The following SYNJ2 variants were observed in gnomAD, a reference collection of about 807,000 sequenced individuals.
SYNJ2 encodes the protein polyphosphatidylinositol phosphatase SYNJ2.
A neutral mutation model predicts 141.3 loss-of-function variants in SYNJ2; 116 were observed. The ratio of observed to expected loss-of-function variants is 0.82; its 90% CI spans 0.71 to 0.96. The LOEUF (loss-of-function observed/expected upper bound fraction) is 0.96, where lower values mean the gene tolerates loss of function less well. Among genes scored for constraint, SYNJ2 ranks in the 40% least tolerant of loss-of-function variants. SYNJ2 has a pLI of 0.00. For missense variants in SYNJ2, 1,873 were observed against 1,934.8 expected (o/e 0.97, Z 0.60); for synonymous variants, 745 against 777.7 (o/e 0.96, Z 0.70).
chr6:158,076,812 G>A, intron 17 of SYNJ2, 30 bp downstream of exon 17: 1 of 1,585,866 alleles, frequency 6.3e-7, no homozygotes, highest in South Asian at 1.1e-5. Context: ...TCGAGAGTCG[G>A]CAGAGGGTGA....
intron 3 of SYNJ2, 57 bp downstream of exon 3, chr6:158,029,083 C>CCCTGGGTCTCCTGCAGAGGGTGGG: frequency 6.3e-7 from 1 of 1,577,820 alleles, no homozygotes. Context: ...AGAGGGTGGG[C>CCCTGGGTCTCCTGCAGAGGGTGGG]CCTGGTTGGC....
intron 2 of SYNJ2, among the ~76,000 whole-genome samples, chr6:158,025,095 G>C (rs73015980): frequency 0.077 from 11,767 of 152,254 alleles, 547 homozygotes; most frequent in South Asian, 0.19. Context: ...GCGCAGTTCT[G>C]GAGGCTGGAA....
At chr6:158,038,291 C>T (rs1404478677) in intron 4 of SYNJ2, among the ~76,000 whole-genome samples, 2 of 152,114 alleles carry the variant, frequency 1.3e-5, no homozygotes. Flanking sequence ...TCCATGAAGT[C>T]CCCACCCAAC....
At chr6:158,063,765 C>T in intron 8 of SYNJ2, 26 bp from the exon 9 acceptor site, 3 of 1,559,966 alleles carry the variant, frequency 1.9e-6, no homozygotes, top group Non-Finnish European at 2.6e-6. Context: ...CAACATATAA[C>T]CGTTTACATT....
At chr6:157,992,125 A>T (rs1016440828) in intron 1 of SYNJ2, among the ~76,000 whole-genome samples, 2 of 152,222 alleles carry the variant, frequency 1.3e-5, no homozygotes, top group Non-Finnish European at 1.5e-5. Flanking sequence ...TTTGTGTTAC[A>T]AACCAATTAT....
rs564395101 is a variant in SYNJ2, at chr6:158,033,743, C to T, written c.711+63C>T. ...CGAGTGGCTGCAGCTCTTGCACACGCGCTTTCCACTTGGGGCAGAAGAGGC... is the reference window on the plus strand; with the variant it reads ...CGAGTGGCTGCAGCTCTTGCACACGTGCTTTCCACTTGGGGCAGAAGAGGC... On this transcript the variant is annotated intron_variant, in intron 4 of 26. Transcript: ENST00000355585. 5.1e-5 allele frequency: 78 copies of T among 1,516,360 alleles called. No homozygotes were observed. In the East Asian group the frequency reaches 5.5e-4, roughly 11 times the overall value. 93.9% of individuals were successfully genotyped at this position (1,516,360 alleles called of 1,614,324 possible). A position where few individuals can be genotyped will look rare whatever the true frequency, so the allele number is the denominator to read the frequency against.
At chr6:157,988,315 G>A (rs1033540822) in intron 1 of SYNJ2, among the ~76,000 whole-genome samples, 8 of 152,276 alleles carry the variant, frequency 5.3e-5, no homozygotes, top group Non-Finnish European at 8.8e-5. Context: ...GGCTGGGGCC[G>A]CCCTCCCCAC....
intron 2 of SYNJ2, among the ~76,000 whole-genome samples, chr6:158,026,117 G>A (rs552068447): frequency 1.9e-4 from 29 of 152,356 alleles, no homozygotes; most frequent in African/African-American, 5.8e-4. Flanking sequence ...ACACAGACTA[G>A]CTGTGTGCTT....
intron 4 of SYNJ2, among the ~76,000 whole-genome samples, chr6:158,035,967 G>GAA (rs71777302): frequency 2.6e-5 from 3 of 116,808 alleles, no homozygotes; most frequent in East Asian, 2.5e-4. Flanking sequence ...AAATTTCCAA[G>GAA]AAAAAAAAAA....
At chr6:158,024,696 T>C (rs989867307) in intron 2 of SYNJ2, among the ~76,000 whole-genome samples, 6 of 152,198 alleles carry the variant, frequency 3.9e-5, no homozygotes, top group Non-Finnish European at 7.3e-5. Context: ...CTGCAGGGGC[T>C]GATGGGGTGA....
At chr6:158,013,250 G>A (rs1448138535) in intron 1 of SYNJ2, among the ~76,000 whole-genome samples, 2 of 152,090 alleles carry the variant, frequency 1.3e-5, no homozygotes, top group East Asian at 1.9e-4. Context: ...GTATGGTGGC[G>A]CATGCCTGTA....
At chr6:158,089,809 T>G (rs752196238) in intron 24 of SYNJ2, 30 bp from the exon 25 acceptor site, 1 of 1,568,470 alleles carries the variant, frequency 6.4e-7, no homozygotes, top group South Asian at 1.1e-5. Flanking sequence ...CCTCTGCTGA[T>G]ACTCTGCTCT....
intron 1 of SYNJ2, among the ~76,000 whole-genome samples, chr6:158,000,243 C>T (rs934107287): frequency 6.6e-6 from 1 of 151,986 alleles, no homozygotes; most frequent in Non-Finnish European, 1.5e-5. Context: ...GATGTTTTCT[C>T]CTAGAGACAG....
intron 1 of SYNJ2, among the ~76,000 whole-genome samples, chr6:157,985,303 C>A (rs1777159529): frequency 6.6e-6 from 1 of 152,224 alleles, no homozygotes; most frequent in Non-Finnish European, 1.5e-5. Flanking sequence ...GGCCGTCTGG[C>A]CTGCTAGCAG....
At position 158,086,889 on chromosome 6, in the gene SYNJ2, G is replaced by A; in HGVS notation, c.3243G>A (p.Leu1081=). The change falls in exon 23 of 27, where the codon CTG becomes CTA. Residue 1081 remains leucine, a synonymous_variant. Coordinates refer to ENST00000355585, the MANE Select transcript of SYNJ2 (RefSeq NM_003898.4). The stretch of plus-strand genomic sequence containing the variant: ...ACCTGGTGGAGCTCAAGCGGGAGCT[G>A]GAAGCCGTCGGGGAGTTCCGCCACC... The part of the protein sequence containing the change: ...DADLVELKRE[L]EAVGEFRHRS... 1 of 1,610,960 alleles carries A rather than the reference G, an allele frequency of 6.2e-7. No individual in the cohort carries two copies. Among genetic ancestry groups the A allele is most frequent in the Non-Finnish European group, 8.5e-7 (1 of 1,180,026 alleles).
At position 158,063,659 on chromosome 6, in the gene SYNJ2, CAAAAAAAAAAAA is replaced by C. The variant is rs71298907; in HGVS notation, c.1128-115_1128-104del. 707 of 188,582 alleles carry C rather than the reference CAAAAAAAAAAAA, an allele frequency of 3.7e-3. 2 individuals carry two copies. The highest frequency in any genetic ancestry group is 0.01 in the South Asian group (303 of 29,518). The allele number at this position is 188,582 out of a possible 1,614,324, so 11.7% of individuals were successfully genotyped here. A position where few individuals can be genotyped will look rare whatever the true frequency, so the allele number is the denominator to read the frequency against. ...GGGTGACAGAGGTGAGACTCTGTCT[CAAAAAAAAAAAA>C]AAAAAAAAAAAAAAAACCATGTTTC... On this transcript the variant is annotated intron_variant, in intron 8 of 26. Coordinates refer to ENST00000355585, the MANE Select transcript of SYNJ2 (RefSeq NM_003898.4).
intron 2 of SYNJ2, among the ~76,000 whole-genome samples, chr6:158,019,225 C>T (rs563637145): frequency 8.5e-5 from 13 of 152,308 alleles, no homozygotes; most frequent in Non-Finnish European, 1.2e-4. Context: ...TGGGATTCGA[C>T]GAATTACAGT....
intron 26 of SYNJ2, chr6:158,094,203 G>T: frequency 2.0e-6 from 1 of 504,744 alleles, no homozygotes; most frequent in Non-Finnish European, 3.5e-6. Flanking sequence ...TCCTTACAAA[G>T]TGGACCTTTT....
chr6:158,095,909 C>G lies in SYNJ2; in HGVS notation c.4036C>G (p.Leu1346Val). The G allele has an allele frequency of 6.2e-7, 1 of 1,614,142 alleles. No homozygotes were observed. The highest frequency in any genetic ancestry group is 8.5e-7 in the Non-Finnish European group (1 of 1,180,008). ...GAAGTCAGCCCCCGCAGCCTTCCAC[C>G]TGCAGGTCCTGCAGAGCAACAGCCA... is the stretch of plus-strand genomic sequence containing the variant. The part of the protein sequence containing the change: ...RKKSAPAAFH[L>V]QVLQSNSQLL... The change falls in exon 27 of 27, where the codon CTG (leucine) becomes GTG (valine). Residue 1346 changes from leucine to valine, a missense_variant. Transcript: ENST00000355585.
Sources: gnomAD v4.1 joint callset for allele counts (sites outside exome capture counted in the v4.1 genomes callset) on GRCh38, gnomAD v4.1.1 for gene constraint, MANE v1.5 for transcripts, NCBI Gene and HGNC (gene_info 2026-07-23, HGNC 2026-07-21) for gene names.